The following KIAA1671 variants were observed in gnomAD, a reference collection of about 807,000 sequenced individuals.
KIAA1671 encodes the protein uncharacterized protein KIAA1671.
KIAA1671 carries 52 observed loss-of-function variants against 131.2 expected under a neutral mutation model. The ratio of observed to expected loss-of-function variants is 0.40; its 90% CI spans 0.32 to 0.50. The LOEUF is 0.50. Ranked by LOEUF, KIAA1671 falls within the 20% of genes least tolerant of loss-of-function variation. KIAA1671 has a pLI of 0.73. For synonymous variants in KIAA1671, 1,003 were observed against 961.6 expected, an observed-to-expected ratio of 1.04 and a Z score of -0.80; for missense variants, 2,360 against 2,364.2, an observed-to-expected ratio of 1.00 and a Z score of 0.04.
At chr22:25,006,289 C>T (rs924907024) in intron 1 of KIAA1671, among the ~76,000 whole-genome samples, 2 of 152,098 alleles carry the variant, frequency 1.3e-5, no homozygotes, top group Non-Finnish European at 2.9e-5. Flanking sequence ...CACCTCGGCT[C>T]CCAAGGTGTT....
At chr22:25,184,891 G>A (rs963532490) in intron 10 of KIAA1671, 86 bp from the exon 11 acceptor site, 1 of 1,494,112 alleles carries the variant, frequency 6.7e-7, no homozygotes, top group Non-Finnish European at 9.1e-7. Flanking sequence ...GTTTGCAGAA[G>A]GCTCATTGTA....
chr22:25,081,619 CTTTTT>C (rs11336156), intron 6 of KIAA1671, among the ~76,000 whole-genome samples: 3 of 148,916 alleles, frequency 2.0e-5, no homozygotes, highest in African/African-American at 7.4e-5. Flanking sequence ...TGGGCAGCTG[CTTTTT>C]TTTTTTTAAG....
At position 25,029,556 on chromosome 22, in the gene KIAA1671, C is replaced by A; in HGVS notation, c.1541+16C>A. 6.7e-7 allele frequency: 1 copy of A among 1,497,106 alleles called. No homozygotes were observed. The allele number at this position is 1,497,106 out of a possible 1,614,324, so 92.7% of individuals were successfully genotyped here. The stretch of plus-strand genomic sequence containing the variant: ...TGACCAAATTGTAAGTAGGCACATC[C>A]CACACCCCTCTCTCAGCCGCCCACC... On this transcript the variant is annotated intron_variant, in intron 3 of 12. Coordinates refer to ENST00000358431, the MANE Select transcript of KIAA1671 (RefSeq NM_001145206.2).
chr22:25,042,255 C>T (rs1050476693), intron 5 of KIAA1671, among the ~76,000 whole-genome samples: 7 of 152,276 alleles, frequency 4.6e-5, no homozygotes, highest in African/African-American at 1.2e-4. Context: ...CCTACAATGA[C>T]GATAATGATA....
intron 1 of KIAA1671, among the ~76,000 whole-genome samples, chr22:24,965,210 T>C (rs1922233805): frequency 6.6e-6 from 1 of 151,596 alleles, no homozygotes; most frequent in Non-Finnish European, 1.5e-5. Flanking sequence ...AGGTCAGGAA[T>C]TCGAGACCAG....
At chr22:24,996,310 A>G (rs1293024922) in intron 1 of KIAA1671, among the ~76,000 whole-genome samples, 1 of 151,936 alleles carries the variant, frequency 6.6e-6, no homozygotes, top group Non-Finnish European at 1.5e-5. Flanking sequence ...TCTTATAGAG[A>G]TGAAAGTAAA....
intron 6 of KIAA1671, among the ~76,000 whole-genome samples, chr22:25,155,551 T>C (rs1362484195): frequency 7.0e-6 from 1 of 142,280 alleles, no homozygotes; most frequent in Non-Finnish European, 1.6e-5. Context: ...TGTATGTGTG[T>C]GCATTGGTGT....
intron 6 of KIAA1671, among the ~76,000 whole-genome samples, chr22:25,073,673 C>T (rs532414838): frequency 1.3e-5 from 2 of 152,282 alleles, no homozygotes; most frequent in South Asian, 4.2e-4. Context: ...CTTTCCATTC[C>T]TCCCCCTACA....
At position 24,991,487 on chromosome 22, in the gene KIAA1671, G is replaced by T. The variant is rs141999015; in HGVS notation, c.-207-34146G>T. Among the ~76,000 whole-genome samples, 461 of 49,104 alleles carry T rather than the reference G, an allele frequency of 9.4e-3. 8 individuals carry two copies. The East Asian group carries it at 0.15, about 16-fold the overall frequency. The allele number at this position is 49,104 out of a possible 152,430, so 32.2% of individuals were successfully genotyped here. On this transcript the variant is annotated intron_variant, in intron 1 of 12. Coordinates refer to ENST00000358431, the MANE Select transcript of KIAA1671 (RefSeq NM_001145206.2). ...CTTGTTTGTTTGTTTTTTTGAGACA[G>T]AGTCTTGCTTTGTCCCCAGGCTGGA...
rs1922717270 is a variant in KIAA1671 at position 24,973,178 on chromosome 22, G to A, written c.-208+20406G>A. On this transcript the variant is annotated intron_variant, in intron 1 of 12. Transcript: ENST00000358431. The stretch of plus-strand genomic sequence containing the variant: ...TTAACTGCAGTTGCCCTTCATGGCA[G>A]GACTCGGTTTGGGCTTTTAAAAAAC... Among the ~76,000 whole-genome samples, 3 of 152,298 alleles carry A rather than the reference G, an allele frequency of 2.0e-5. No homozygotes were observed. In the Middle Eastern group the frequency reaches 0.01, roughly 518 times the overall value.
At chr22:25,178,312 T>C (rs1028704635) in intron 9 of KIAA1671, among the ~76,000 whole-genome samples, 6 of 152,080 alleles carry the variant, frequency 3.9e-5, no homozygotes, top group African/African-American at 9.7e-5. Context: ...GGGAAGGGTG[T>C]GGGGGCTGGC....
At chr22:24,971,956 G>T (rs1355829572) in intron 1 of KIAA1671, among the ~76,000 whole-genome samples, 1 of 152,120 alleles carries the variant, frequency 6.6e-6, no homozygotes, top group Non-Finnish European at 1.5e-5. Flanking sequence ...GGGAGGGTAG[G>T]TGCCTGGAAC....
intron 6 of KIAA1671, among the ~76,000 whole-genome samples, chr22:25,168,669 G>A (rs1484208094): frequency 2.0e-5 from 3 of 152,136 alleles, no homozygotes; most frequent in South Asian, 2.1e-4. Flanking sequence ...CTCCAGCCTG[G>A]GAGACAGGGT....
chr22:25,188,784 A>G (rs542189096), intron 11 of KIAA1671, among the ~76,000 whole-genome samples: 9 of 152,180 alleles, frequency 5.9e-5, no homozygotes, highest in Non-Finnish European at 8.8e-5. Context: ...TTCATCCTTC[A>G]TCCTTATTGT....
At chr22:24,966,136 G>A (rs553650404) in intron 1 of KIAA1671, among the ~76,000 whole-genome samples, 1 of 152,304 alleles carries the variant, frequency 6.6e-6, no homozygotes, top group South Asian at 2.1e-4. Context: ...CCTGCCTGTT[G>A]GAGAAACAGC....
intron 6 of KIAA1671, among the ~76,000 whole-genome samples, chr22:25,130,297 C>G (rs1029444594): frequency 6.6e-6 from 1 of 152,174 alleles, no homozygotes; most frequent in Non-Finnish European, 1.5e-5. Flanking sequence ...AGGACATTCT[C>G]ATCTCCCAGA....
intron 6 of KIAA1671, chr22:25,110,860 A>G (rs1386787333): frequency 6.6e-6 from 1 of 152,406 alleles, no homozygotes; most frequent in Non-Finnish European, 1.5e-5. Context: ...TGCCCAGGAC[A>G]GGGCAGATGC....
intron 12 of KIAA1671, 60 bp downstream of exon 12, chr22:25,190,844 C>A: frequency 8.4e-7 from 1 of 1,186,182 alleles, no homozygotes; most frequent in Non-Finnish European, 1.2e-6. Flanking sequence ...GAATGGGGAA[C>A]TCAGGGGGGC....
chr22:24,993,257 G>A (rs1428344223), intron 1 of KIAA1671, among the ~76,000 whole-genome samples: 1 of 152,162 alleles, frequency 6.6e-6, no homozygotes, highest in Non-Finnish European at 1.5e-5. Flanking sequence ...TGCTAGGGAG[G>A]CAGGGTGAGG....
Sources: gnomAD v4.1 joint callset for allele counts (sites outside exome capture counted in the v4.1 genomes callset) on GRCh38, gnomAD v4.1.1 for gene constraint, MANE v1.5 for transcripts, NCBI Gene and HGNC (gene_info 2026-07-23, HGNC 2026-07-21) for gene names.